Variants in ERN2 observed in about 807,000 individuals in gnomAD.
The protein encoded by ERN2 is endoplasmic reticulum to nucleus signaling 2.
Under a neutral mutation model 107.9 loss-of-function variants are expected in ERN2, and 111 were observed. The ratio of observed to expected loss-of-function variants is 1.03; its 90% CI spans 0.88 to 1.20. The LOEUF is 1.20. Among genes scored for constraint, ERN2 ranks in the 50% most tolerant of loss-of-function variants. The pLI, the probability that ERN2 is intolerant of heterozygous loss-of-function variation, is 0.00. For synonymous variants in ERN2, 524 were observed against 501.7 expected (o/e 1.04, Z -0.59); for missense variants, 1,225 against 1,197.9 (o/e 1.02, Z -0.33).
intron 5 of ERN2, 63 bp downstream of exon 5, chr16:23,706,944 C>T: frequency 1.3e-6 from 2 of 1,584,062 alleles, no homozygotes; most frequent in Non-Finnish European, 1.7e-6. Context: ...AATTAGCCGT[C>T]ACGACTTAGA....
At position 23,705,125 on chromosome 16, in the gene ERN2, G is replaced by A. The variant is rs774207313; in HGVS notation, c.612C>T (p.Cys204=). ...PGKYMSHLAS[C]GMGLLLTVDP... is the part of the protein sequence containing the mutation. Reference sequence around the variant, plus strand: ...CCACAGTGAGCAGCAGGCCCATCCCGCAGGACGCCAGGTGGCTCATGTCTG... The same window carrying A: ...CCACAGTGAGCAGCAGGCCCATCCCACAGGACGCCAGGTGGCTCATGTCTG... Residue 204 remains cysteine (C), a synonymous_variant, in exon 8 of 22, where the codon TGC becomes TGT. Coordinates refer to ENST00000256797, the MANE Select transcript of ERN2 (RefSeq NM_033266.4). The A allele has an allele frequency of 1.7e-5, 27 of 1,612,916 alleles. No homozygotes were observed. Among genetic ancestry groups the A allele is most frequent in the Middle Eastern group, 3.3e-4 (2 of 6,078 alleles).
intron 19 of ERN2, among the ~76,000 whole-genome samples, chr16:23,691,755 C>A (rs1959604763): frequency 6.6e-6 from 1 of 152,208 alleles, no homozygotes; most frequent in Non-Finnish European, 1.5e-5. Flanking sequence ...GCAGCTGGGG[C>A]TGGCAAAGCT....
intron 13 of ERN2, among the ~76,000 whole-genome samples, chr16:23,698,877 C>T (rs116265266): frequency 0.012 from 1,772 of 152,290 alleles, 35 homozygotes; most frequent in African/African-American, 0.041. Flanking sequence ...CATGAGCCAC[C>T]GTGCCCAGCC....
chr16:23,711,657 C>A (rs1313798585), intron 1 of ERN2, among the ~76,000 whole-genome samples: 1 of 152,164 alleles, frequency 6.6e-6, no homozygotes, highest in African/African-American at 2.4e-5. Context: ...TGCACCCATT[C>A]TAAGACTGGT....
Position 23,707,051 on chromosome 16 carries a change from A to G in ERN2, c.335T>C (p.Val112Ala). The change falls in exon 5 of 22, where the codon GTT becomes GCT. Residue 112 changes from valine (V) to alanine (A), a missense_variant. Physicochemically the swap from Val to Ala is moderately conservative, Grantham distance 64 (BLOSUM62 0). Coordinates refer to ENST00000256797, the MANE Select transcript of ERN2 (RefSeq NM_033266.4). ...AGAGCTGCGGCAGGGAGAGGCATGA[A>G]CCAGCTCAGGGATGGTGAATGGCAG... ...MKLPFTIPEL[V>A]HASPCRSSDG... is the part of the protein sequence containing the mutation. The G allele has an allele frequency of 6.2e-7, 1 of 1,614,196 alleles. No homozygotes were observed. Among genetic ancestry groups the G allele is most frequent in the East Asian group, 2.2e-5 (1 of 44,882 alleles).
At position 23,691,787 on chromosome 16, in the gene ERN2, T is replaced by C. The variant is rs562833435; in HGVS notation, c.2376+176A>G. On this transcript the variant is annotated intron_variant, in intron 19 of 21. Coordinates refer to ENST00000256797, the MANE Select transcript of ERN2 (RefSeq NM_033266.4). ...AGCTGGCAGTGAATGGACCAGAGAG[T>C]GCCAAGATGGCGGAGTTTAGGAGTC... Among the ~76,000 whole-genome samples the C allele has an allele frequency of 9.2e-5, 14 of 152,260 alleles. 1 individual carries two copies. The highest frequency in any genetic ancestry group is 3.4e-4 in the African/African-American group (14 of 41,568).
chr16:23,704,982 G>T lies in ERN2; in HGVS notation c.755C>A (p.Thr252Asn). The T allele has an allele frequency of 6.2e-7, 1 of 1,614,036 alleles. No individual in the cohort carries two copies. The highest frequency in any genetic ancestry group is 8.5e-7 in the Non-Finnish European group (1 of 1,180,030). Residue 252 changes from threonine to asparagine, a missense_variant, in exon 8 of 22, where the codon ACT becomes AAT. Thr to Asn is a moderately conservative substitution (Grantham distance 65). Transcript: ENST00000256797. ...CCAGCGGAGGGCGAGGAAATGCAGA[G>T]TGTCTCGAGCCAGCGTGAGATGCGG... ...QLPHLTLARD[T>N]LHFLALRWGH...
At position 23,700,715 on chromosome 16, in the gene ERN2, A is replaced by T; in HGVS notation, c.1360-11T>A. The T allele has an allele frequency of 1.2e-6, 2 of 1,605,810 alleles. No individual in the cohort carries two copies. Among genetic ancestry groups the T allele is most frequent in the Non-Finnish European group, 1.7e-6 (2 of 1,175,862 alleles). On this transcript the variant is annotated splice_polypyrimidine_tract_variant and intron_variant, in intron 12 of 21. Coordinates refer to ENST00000256797, the MANE Select transcript of ERN2 (RefSeq NM_033266.4). ...CACCTGCGGCTGTTGCTGTAACATG[A>T]GAGCCTAAGAGAGCTTTGTCCTGGC...
chr16:23,692,022 G>C lies in ERN2; in HGVS notation c.2317C>G (p.Pro773Ala). 1 of 1,613,926 alleles carries C rather than the reference G, an allele frequency of 6.2e-7. No individual in the cohort carries two copies. Among genetic ancestry groups the C allele is most frequent in the South Asian group, 1.1e-5 (1 of 91,080 alleles). ...SPLPQPRPSA[P>A]QVLAHPFFWS... Reference sequence around the variant, plus strand: ...AAGAAGGGGTGGGCCAGCACCTGGGGGGCAGAGGGGCGTGGCTGCGGCAGT... The same window carrying C: ...AAGAAGGGGTGGGCCAGCACCTGGGCGGCAGAGGGGCGTGGCTGCGGCAGT... The change falls in exon 19 of 22, where the codon CCC becomes GCC. Residue 773 changes from proline to alanine, a missense_variant. Transcript: ENST00000256797.
chr16:23,693,827 C>T (rs141942788), intron 17 of ERN2, among the ~76,000 whole-genome samples: 3 of 152,202 alleles, frequency 2.0e-5, no homozygotes, highest in South Asian at 2.1e-4. Flanking sequence ...GGGTCCCAAA[C>T]GCAAGTGTCT....
chr16:23,694,853 A>T lies in ERN2; in HGVS notation c.1975T>A (p.Ser659Thr). The T allele has an allele frequency of 6.2e-7, 1 of 1,614,204 alleles. No homozygotes were observed. Among genetic ancestry groups the T allele is most frequent in the Non-Finnish European group, 8.5e-7 (1 of 1,180,014 alleles). Residue 659 changes from serine (S) to threonine (T), a missense_variant, in exon 17 of 22, where the codon TCA becomes ACA. Physicochemically the swap from Ser to Thr is moderately conservative, Grantham distance 58 (BLOSUM62 1). Coordinates refer to ENST00000256797, the MANE Select transcript of ERN2 (RefSeq NM_033266.4). ...AGCTTCTTGCAGAGGCCGAAGTCTG[A>T]GAGCACCACTCTGCCCAGGCCCTGG... ...DSQGLGRVVL[S>T]DFGLCKKLPA...
At chr16:23,710,767 G>C in intron 2 of ERN2, 146 bp downstream of exon 2, 1 of 814,670 alleles carries the variant, frequency 1.2e-6, no homozygotes, top group South Asian at 1.6e-5. Context: ...GTTTCTCAAG[G>C]CCACACAGCT....
intron 4 of ERN2, among the ~76,000 whole-genome samples, chr16:23,708,081 C>G (rs1960396366): frequency 1.3e-5 from 2 of 152,318 alleles, no homozygotes; most frequent in South Asian, 4.1e-4. Flanking sequence ...CTGTGTTCCT[C>G]TACCGAAGCC....
intron 13 of ERN2, among the ~76,000 whole-genome samples, chr16:23,698,261 T>A (rs1959908648): frequency 6.6e-6 from 1 of 152,184 alleles, no homozygotes; most frequent in Non-Finnish European, 1.5e-5. Flanking sequence ...AGCTGCCACT[T>A]ATTAGCTTTG....
In ERN2 at chr16:23,692,203, G is replaced by A. The variant is rs149099650; in HGVS notation, c.2229C>T (p.His743=). The change falls in exon 18 of 22, where the codon CAC becomes CAT. Residue 743 remains histidine, a synonymous_variant. Transcript: ENST00000256797. ...NILTGAPCLA[H]LEEEVHDKVV... ...CCTCACCGTGGACCTCTTCCTCCAG[G>A]TGAGCCAGACAGGGAGCCCCTGTGA... 26 of 1,614,118 alleles carry A rather than the reference G, an allele frequency of 1.6e-5. No individual in the cohort carries two copies. The African/African-American group carries it at 2.3e-4, about 14-fold the overall frequency.
At chr16:23,705,519 G>T (rs1262104410) in intron 7 of ERN2, among the ~76,000 whole-genome samples, 1 of 152,020 alleles carries the variant, frequency 6.6e-6, no homozygotes, top group African/African-American at 2.4e-5. Flanking sequence ...CTCTGCTGAG[G>T]TGACCTGTGT....
chr16:23,709,323 A>G (rs954488998), intron 4 of ERN2: 1 of 341,130 alleles, frequency 2.9e-6, no homozygotes, highest in African/African-American at 2.2e-5. Context: ...ATTAAAAAAA[A>G]GGAATTCCGA....
intron 4 of ERN2, among the ~76,000 whole-genome samples, chr16:23,708,203 A>T (rs1960400233): frequency 6.6e-6 from 1 of 152,058 alleles, no homozygotes; most frequent in Admixed American, 6.5e-5. Flanking sequence ...CCCCACTGTC[A>T]CAAACCAAAG....
chr16:23,707,004 C>T lies in ERN2; in HGVS notation c.379+3G>A, dbSNP rs375770619. Reference sequence around the variant, plus strand: ...GGACCCCACAGGCTGAAGAGATGCTCACCTGTGTAGAAGACCCCATCAGAG... The same window carrying T: ...GGACCCCACAGGCTGAAGAGATGCTTACCTGTGTAGAAGACCCCATCAGAG... On this transcript the variant is annotated splice_donor_region_variant and intron_variant, in intron 5 of 21. Coordinates refer to ENST00000256797, the MANE Select transcript of ERN2 (RefSeq NM_033266.4). The T allele has an allele frequency of 9.9e-6, 16 of 1,612,994 alleles. No individual in the cohort carries two copies. The highest frequency in any genetic ancestry group is 1.4e-5 in the Non-Finnish European group (16 of 1,179,090).
Sources: allele counts gnomAD v4.1 joint callset (sites outside exome capture counted in the v4.1 genomes callset), GRCh38; gene constraint gnomAD v4.1.1; transcripts MANE v1.5; gene names NCBI Gene and HGNC (gene_info 2026-07-23, HGNC 2026-07-21).